Variants in ZNF713 observed in about 807,000 individuals in gnomAD.
ZNF713 encodes zinc finger protein 713.
ZNF713 carries 21 observed loss-of-function variants against 28.7 expected under a neutral mutation model. The observed-to-expected ratio is 0.73, with a 90% CI of 0.52 to 1.05. The LOEUF is 1.05. ZNF713 is among the 50% of genes least tolerant of loss of function. ZNF713 has a pLI of 0.00. For missense variants in ZNF713, 458 were observed against 532.4 expected, an observed-to-expected ratio of 0.86 and a Z score of 1.37; for synonymous variants, 167 against 178.0, an observed-to-expected ratio of 0.94 and a Z score of 0.49.
chr7:55,887,830 G>T, intron 1 of ZNF713, 150 bp downstream of exon 1: 1 of 13,744 alleles, frequency 7.3e-5, no homozygotes, highest in South Asian at 3.1e-3. Context: ...GCGGCGGGCG[G>T]CGGGCGGCGG....
At chr7:55,923,546 T>C (rs928067585) in intron 5 of ZNF713, 61 bp from the exon 6 acceptor site, 1 of 1,417,214 alleles carries the variant, frequency 7.1e-7, no homozygotes, top group African/African-American at 1.4e-5. Flanking sequence ...AGGTTGGGAG[T>C]GTGTCTGAGA....
chr7:55,891,863 T>G (rs1483138856), intron 1 of ZNF713, among the ~76,000 whole-genome samples: 3 of 152,000 alleles, frequency 2.0e-5, no homozygotes, highest in African/African-American at 7.2e-5. Context: ...GAAAAAAGAT[T>G]AAGAGAAATG....
intron 1 of ZNF713, among the ~76,000 whole-genome samples, chr7:55,905,928 C>T (rs1785669873): frequency 6.6e-6 from 1 of 151,730 alleles, no homozygotes; most frequent in Admixed American, 6.6e-5. Context: ...ATGATGAAAC[C>T]CCGTCTCTAC....
rs1432203545 is a variant in ZNF713, at chr7:55,941,235, C to T, written c.*1229C>T. 2 of 151,566 alleles carry T rather than the reference C, an allele frequency of 1.3e-5. No homozygotes were observed. Among genetic ancestry groups the T allele is most frequent in the Non-Finnish European group, 2.9e-5 (2 of 67,936 alleles). 9.4% of individuals were successfully genotyped at this position (151,566 alleles called of 1,614,324 possible). ...CTTTGGGAGGCCGAGGTGGGGTGAT[C>T]ATCTGAGGCCAGGAGTTTGAGACCA... On this transcript the variant is annotated 3_prime_UTR_variant, in exon 7 of 7. Transcript: ENST00000429591.
chr7:55,939,102 TAGG>T lies in ZNF713; in HGVS notation c.433_435del (p.Gly145del), dbSNP rs1312693349. The T allele has an allele frequency of 6.2e-7, 1 of 1,614,056 alleles. No individual in the cohort carries two copies. The highest frequency in any genetic ancestry group is 8.5e-7 in the Non-Finnish European group (1 of 1,179,978). On this transcript the variant is annotated inframe_deletion, in exon 7 of 7. Coordinates refer to ENST00000429591, the MANE Select transcript of ZNF713 (RefSeq NM_182633.3). ...GGAGACAGCTTCTGGTACTCCATCC[TAGG>T]AGGACTCTGGGATTTTGATTACCAT...
chr7:55,892,555 C>CAAAAAAAAAAAAAAA (rs56338467), intron 1 of ZNF713, among the ~76,000 whole-genome samples: 5 of 74,356 alleles, frequency 6.7e-5, no homozygotes, highest in Non-Finnish European at 1.2e-4. Flanking sequence ...AAGCACTGAC[C>CAAAAAAAAAAAAAAA]AAAAAAAAAA....
chr7:55,903,080 G>A (rs991293216), intron 1 of ZNF713, among the ~76,000 whole-genome samples: 1 of 151,434 alleles, frequency 6.6e-6, no homozygotes, highest in Non-Finnish European at 1.5e-5. Flanking sequence ...ATTAGGACAA[G>A]TAGAGTGAGT....
chr7:55,896,017 G>A (rs1398649924), intron 1 of ZNF713, among the ~76,000 whole-genome samples: 1 of 152,090 alleles, frequency 6.6e-6, no homozygotes, highest in East Asian at 1.9e-4. Context: ...GGCAAGAGAC[G>A]AGAGAGAATG....
chr7:55,893,331 TATAG>T (rs2116164586), intron 1 of ZNF713, among the ~76,000 whole-genome samples: 1 of 152,242 alleles, frequency 6.6e-6, no homozygotes, highest in East Asian at 1.9e-4. Flanking sequence ...GATCTCATGC[TATAG>T]ATTGAATGGG....
chr7:55,895,833 G>A (rs1326936008), intron 1 of ZNF713, among the ~76,000 whole-genome samples: 1 of 152,028 alleles, frequency 6.6e-6, no homozygotes. Flanking sequence ...CAAACCCACA[G>A]GTAGATACTA....
rs1308733502 is a variant in ZNF713 at position 55,887,541 on chromosome 7, A to C, written c.-722A>C. On this transcript the variant is annotated 5_prime_UTR_variant, in exon 1 of 7. Transcript: ENST00000429591. ...CTGGACCGGCCCCAGGAGCCCAGTC[A>C]CCGGGCGTCATTGGCTCAGGCTGCG... The C allele has an allele frequency of 5.8e-6, 1 of 171,024 alleles. No individual in the cohort carries two copies. Among genetic ancestry groups the C allele is most frequent in the African/African-American group, 2.4e-5 (1 of 41,502 alleles). 10.6% of individuals were successfully genotyped at this position (171,024 alleles called of 1,614,324 possible). A position where few individuals can be genotyped will look rare whatever the true frequency, so the allele number is the denominator to read the frequency against.
At chr7:55,919,498 T>TTTTTTTTTTTTG (rs1785947924) in intron 4 of ZNF713, among the ~76,000 whole-genome samples, 1 of 59,644 alleles carries the variant, frequency 1.7e-5, no homozygotes, top group Non-Finnish European at 3.0e-5. Context: ...CAGTTTTTTT[T>TTTTTTTTTTTTG]TTTTTTTTTT....
intron 2 of ZNF713, among the ~76,000 whole-genome samples, chr7:55,907,096 T>C (rs764708723): frequency 1.7e-4 from 26 of 152,202 alleles, no homozygotes; most frequent in Non-Finnish European, 3.4e-4. Flanking sequence ...TGGGAATTTT[T>C]TTAGCCAGCT....
Position 55,896,722 on chromosome 7 carries a change from A to G in ZNF713, c.-583+9042A>G, listed in dbSNP as rs144215192. On this transcript the variant is annotated intron_variant, in intron 1 of 6. Transcript: ENST00000429591. Reference sequence around the variant, plus strand: ...ATGTCTGCTAAGAGGGCCTAGAAGCAATGATACCCCAGTAGCAATAAGCAT... The same window carrying G: ...ATGTCTGCTAAGAGGGCCTAGAAGCGATGATACCCCAGTAGCAATAAGCAT... Among the ~76,000 whole-genome samples, 141 of 152,042 alleles carry G rather than the reference A, an allele frequency of 9.3e-4. 2 individuals are homozygous for G. The highest frequency in any genetic ancestry group is 3.2e-3 in the African/African-American group (133 of 41,500).
chr7:55,892,568 A>AC lies in ZNF713; in HGVS notation c.-583+4888_-583+4889insC, dbSNP rs1368347699. On this transcript the variant is annotated intron_variant, in intron 1 of 6. Transcript: ENST00000429591. ...AAAAGCACTGACCAAAAAAAAAAAAAAAAAAAAAAACAAAGCAGAATAGGC... is the reference window on the plus strand; with the variant it reads ...AAAAGCACTGACCAAAAAAAAAAAAACAAAAAAAAAACAAAGCAGAATAGGC... 4.7e-5 allele frequency among the ~76,000 whole-genome samples: 7 copies of AC among 149,960 alleles called. 1 individual carries two copies. Among genetic ancestry groups the AC allele is most frequent in the African/African-American group, 7.3e-5 (3 of 41,064 alleles).
chr7:55,909,347 T>G (rs898919709), intron 2 of ZNF713, among the ~76,000 whole-genome samples: 10 of 152,192 alleles, frequency 6.6e-5, no homozygotes, highest in African/African-American at 2.4e-4. Context: ...TGATTGTAGG[T>G]AAGTGGCTTT....
Position 55,923,668 on chromosome 7 carries a change from A to G in ZNF713, c.276A>G (p.Ile92Met). 4 of 1,612,404 alleles carry G rather than the reference A, an allele frequency of 2.5e-6. No individual in the cohort carries two copies. Among genetic ancestry groups the G allele is most frequent in the Non-Finnish European group, 3.4e-6 (4 of 1,179,164 alleles). Reference protein sequence around the residue: ...AQLELEEEWVIERDSLLDTHP... With the variant: ...AQLELEEEWVMERDSLLDTHP... ...TGGAGCTAGAGGAAGAATGGGTGATAGAAAGAGACAGCCTGCTGGATACTC... is the reference window on the plus strand; with the variant it reads ...TGGAGCTAGAGGAAGAATGGGTGATGGAAAGAGACAGCCTGCTGGATACTC... Residue 92 changes from isoleucine (I) to methionine (M), a missense_variant, in exon 6 of 7, where the codon ATA becomes ATG. Physicochemically the swap from Ile to Met is conservative, Grantham distance 10 (BLOSUM62 1). Coordinates refer to ENST00000429591, the MANE Select transcript of ZNF713 (RefSeq NM_182633.3).
intron 1 of ZNF713, among the ~76,000 whole-genome samples, chr7:55,898,142 T>C (rs1785507990): frequency 1.3e-5 from 2 of 152,116 alleles, no homozygotes; most frequent in Admixed American, 1.3e-4. Flanking sequence ...CCTGAAGCTA[T>C]AAAACTCAGA....
chr7:55,919,302 C>G (rs527921726), intron 4 of ZNF713, among the ~76,000 whole-genome samples: 143 of 152,232 alleles, frequency 9.4e-4, no homozygotes, highest in Middle Eastern at 3.4e-3. Flanking sequence ...GTAACAACTT[C>G]AGAAGGATCC....
Sources: allele counts gnomAD v4.1 joint callset (sites outside exome capture counted in the v4.1 genomes callset), GRCh38; gene constraint gnomAD v4.1.1; transcripts MANE v1.5; gene names NCBI Gene and HGNC (gene_info 2026-07-23, HGNC 2026-07-21).